The following HMGCLL1 variants were observed in gnomAD, a reference collection of about 807,000 sequenced individuals.
HMGCLL1 encodes 3-hydroxy-3-methylglutaryl-CoA lyase like 1.
In HMGCLL1, 36 loss-of-function variants were observed where a neutral mutation model predicts 39.1. That is an observed-to-expected ratio of 0.92 (90% CI 0.71 to 1.22). The LOEUF is 1.22. Among genes scored for constraint, HMGCLL1 ranks in the 50% most tolerant of loss-of-function variants. The pLI is 0.00. For synonymous variants in HMGCLL1, 149 were observed against 144.0 expected (o/e 1.03, Z -0.25); for missense variants, 451 against 416.5 (o/e 1.08, Z -0.72).
intron 7 of HMGCLL1, among the ~76,000 whole-genome samples, chr6:55,440,685 A>C (rs980862315): frequency 3.9e-5 from 6 of 152,064 alleles, no homozygotes; most frequent in Non-Finnish European, 7.4e-5. Context: ...AAGCACCTGG[A>C]AGCAGAGCTC....
chr6:55,505,130 T>C (rs1767086723), intron 5 of HMGCLL1, among the ~76,000 whole-genome samples: 1 of 151,622 alleles, frequency 6.6e-6, no homozygotes, highest in Admixed American at 6.6e-5. Flanking sequence ...AGACGTGAAG[T>C]GTTTCAGTCT....
chr6:55,594,807 G>C, the HMGCLL1 span, among the ~76,000 whole-genome samples: 1 of 152,046 alleles, frequency 6.6e-6, no homozygotes, highest in African/African-American at 2.4e-5. Flanking sequence ...GAAGGTGTCA[G>C]GACACGAATC....
intron 7 of HMGCLL1, among the ~76,000 whole-genome samples, chr6:55,476,852 T>C (rs375225117): frequency 2.4e-4 from 35 of 147,296 alleles, no homozygotes; most frequent in African/African-American, 8.2e-4. Context: ...AAGGTTATAC[T>C]GGACTCAGGA....
Position 55,495,425 on chromosome 6 carries a change from G to GGCC in HMGCLL1, c.786_788dup (p.Ala263dup), listed in dbSNP as rs1284167869. 1 of 1,612,766 alleles carries GGCC rather than the reference G, an allele frequency of 6.2e-7. No individual in the cohort carries two copies. Among genetic ancestry groups the GGCC allele is most frequent in the Non-Finnish European group, 8.5e-7 (1 of 1,179,234 alleles). ...CACAAAGAGTACAAAATACCTGAAG[G>GGCC]GCCGTAAGGATATTTGCTAAGGCTT... On this transcript the variant is annotated inframe_insertion, in exon 7 of 9. Coordinates refer to ENST00000274901, the MANE Select transcript of HMGCLL1 (RefSeq NM_001042406.2).
chr6:55,591,166 T>C, the HMGCLL1 span, among the ~76,000 whole-genome samples: 1 of 152,020 alleles, frequency 6.6e-6, no homozygotes, highest in African/African-American at 2.4e-5. Flanking sequence ...GAGAGCTTCT[T>C]TAGAGCTAGA....
At chr6:55,505,525 G>A (rs1767111244) in intron 5 of HMGCLL1, among the ~76,000 whole-genome samples, 1 of 151,462 alleles carries the variant, frequency 6.6e-6, no homozygotes, top group Non-Finnish European at 1.5e-5. Flanking sequence ...TTATTATTGT[G>A]GATAACATAA....
chr6:55,588,989 T>TC, the HMGCLL1 span, among the ~76,000 whole-genome samples: 1 of 151,802 alleles, frequency 6.6e-6, no homozygotes, highest in Non-Finnish European at 1.5e-5. Context: ...AAGGATGAGC[T>TC]GTACCATTCC....
At chr6:55,540,407 G>A (rs2127455875) in intron 3 of HMGCLL1, among the ~76,000 whole-genome samples, 1 of 152,250 alleles carries the variant, frequency 6.6e-6, no homozygotes, top group African/African-American at 2.4e-5. Context: ...TGGGGGTGGA[G>A]CTCTCATGAA....
chr6:55,486,142 A>C (rs940783047), intron 7 of HMGCLL1, among the ~76,000 whole-genome samples: 1 of 149,848 alleles, frequency 6.7e-6, no homozygotes, highest in Non-Finnish European at 1.5e-5. Context: ...ATATATATGT[A>C]ATATATATTA....
At chr6:55,628,714 A>T in the HMGCLL1 span, among the ~76,000 whole-genome samples, 1 of 152,036 alleles carries the variant, frequency 6.6e-6, no homozygotes, top group Non-Finnish European at 1.5e-5. Context: ...GGAGGAACCC[A>T]GTGGGAGGTA....
Position 55,434,551 on chromosome 6 carries a change from A to G in HMGCLL1, c.*1111T>C, listed in dbSNP as rs1763297731. 1 of 152,050 alleles carries G rather than the reference A, an allele frequency of 6.6e-6. No homozygotes were observed. Among genetic ancestry groups the G allele is most frequent in the Non-Finnish European group, 1.5e-5 (1 of 67,988 alleles). 9.4% of individuals were successfully genotyped at this position (152,050 alleles called of 1,614,324 possible). A position where few individuals can be genotyped will look rare whatever the true frequency, so the allele number is the denominator to read the frequency against. On this transcript the variant is annotated 3_prime_UTR_variant, in exon 9 of 9. Transcript: ENST00000274901. ...TGACATTTCAGATCCATTTGTAATA[A>G]TACTGCCCCCATAAAATATGCATAG...
chr6:55,587,985 G>C, the HMGCLL1 span, among the ~76,000 whole-genome samples: 1 of 152,046 alleles, frequency 6.6e-6, no homozygotes, highest in African/African-American at 2.4e-5. Context: ...GTCAACATTA[G>C]ACAAATCAAC....
intron 1 of HMGCLL1, among the ~76,000 whole-genome samples, chr6:55,575,699 G>A (rs538391373): frequency 6.6e-6 from 1 of 152,236 alleles, no homozygotes; most frequent in South Asian, 2.1e-4. Context: ...TGTGTTGACA[G>A]CCTCCAGAAA....
chr6:55,676,423 A>G, the HMGCLL1 span, among the ~76,000 whole-genome samples: 1 of 152,278 alleles, frequency 6.6e-6, no homozygotes, highest in African/African-American at 2.4e-5. Flanking sequence ...TTTTAACACT[A>G]TATTGCCTTA....
chr6:55,500,321 T>C (rs902687871), intron 5 of HMGCLL1, among the ~76,000 whole-genome samples: 4 of 151,964 alleles, frequency 2.6e-5, no homozygotes, highest in African/African-American at 9.7e-5. Context: ...AATATAACTC[T>C]GTGGGGGCAG....
At chr6:55,627,614 T>G in the HMGCLL1 span, among the ~76,000 whole-genome samples, 17 of 151,292 alleles carry the variant, frequency 1.1e-4, no homozygotes, top group African/African-American at 3.9e-4. Context: ...GTCAGTGGGC[T>G]GAGGAAGGCA....
chr6:55,645,073 C>A, the HMGCLL1 span, among the ~76,000 whole-genome samples: 4 of 152,040 alleles, frequency 2.6e-5, no homozygotes, highest in South Asian at 8.3e-4. Flanking sequence ...CAATTTCTTT[C>A]ATCAGTGTTT....
At chr6:55,667,557 G>A in the HMGCLL1 span, among the ~76,000 whole-genome samples, 1 of 151,726 alleles carries the variant, frequency 6.6e-6, no homozygotes, top group African/African-American at 2.4e-5. Context: ...TCTGTGTTCT[G>A]TACTCTACAC....
At chr6:55,473,910 T>C (rs1765162609) in intron 7 of HMGCLL1, among the ~76,000 whole-genome samples, 1 of 151,512 alleles carries the variant, frequency 6.6e-6, no homozygotes. Flanking sequence ...GGTTTTTACT[T>C]TCAGTACTTT....
Sources: allele counts gnomAD v4.1 joint callset (sites outside exome capture counted in the v4.1 genomes callset), GRCh38; gene constraint gnomAD v4.1.1; transcripts MANE v1.5; gene names NCBI Gene and HGNC (gene_info 2026-07-23, HGNC 2026-07-21).